RABGAP1L: variants seen among roughly 807,000 people sequenced by gnomAD.
RABGAP1L encodes rab GTPase-activating protein 1-like.
RABGAP1L carries 63 observed loss-of-function variants against 137.7 expected under a neutral mutation model. The ratio of observed to expected loss-of-function variants is 0.46; its 90% CI spans 0.37 to 0.56. The LOEUF (loss-of-function observed/expected upper bound fraction) is 0.56, where lower values mean the gene tolerates loss of function less well. RABGAP1L is among the 20% of genes least tolerant of loss of function. RABGAP1L has a pLI of 0.00. For synonymous variants in RABGAP1L, 431 were observed against 433.7 expected, an observed-to-expected ratio of 0.99 and a Z score of 0.08; for missense variants, 1,095 against 1,244.0, an observed-to-expected ratio of 0.88 and a Z score of 1.80.
intron 1 of RABGAP1L, among the ~76,000 whole-genome samples, chr1:174,213,305 G>T (rs1669042969): frequency 6.6e-6 from 1 of 152,042 alleles, no homozygotes; most frequent in African/African-American, 2.4e-5. Context: ...CATGCCTGTA[G>T]TCCTAGCTAC....
intron 18 of RABGAP1L, among the ~76,000 whole-genome samples, chr1:174,771,551 T>A (rs1447467911): frequency 6.6e-6 from 1 of 152,328 alleles, no homozygotes; most frequent in East Asian, 1.9e-4. Flanking sequence ...TCAAGATGAA[T>A]ACCACCAAAA....
chr1:174,711,436 T>C (rs1439628251), intron 17 of RABGAP1L, among the ~76,000 whole-genome samples: 3 of 151,826 alleles, frequency 2.0e-5, no homozygotes, highest in Non-Finnish European at 4.4e-5. Context: ...GCACAGTGCT[T>C]GCGGGCCAGA....
At chr1:174,924,109 C>T (rs1409795584) in intron 19 of RABGAP1L, among the ~76,000 whole-genome samples, 1 of 152,048 alleles carries the variant, frequency 6.6e-6, no homozygotes. Context: ...AAAGTACTGA[C>T]TGGGCACAGT....
intron 19 of RABGAP1L, among the ~76,000 whole-genome samples, chr1:174,886,009 C>T (rs1655047935): frequency 1.5e-5 from 2 of 134,222 alleles, no homozygotes; most frequent in African/African-American, 6.6e-5. Flanking sequence ...ATTAGAGAAA[C>T]CAATTTTTTT....
chr1:174,948,322 A>G (rs1292384838), intron 19 of RABGAP1L, among the ~76,000 whole-genome samples: 1 of 151,898 alleles, frequency 6.6e-6, no homozygotes, highest in African/African-American at 2.4e-5. Flanking sequence ...GGGTTTCAAG[A>G]CCAGCCTGGT....
intron 19 of RABGAP1L, among the ~76,000 whole-genome samples, chr1:174,912,159 A>G (rs925858237): frequency 6.6e-6 from 1 of 151,072 alleles, no homozygotes; most frequent in African/African-American, 2.5e-5. Context: ...TTATTTTTGG[A>G]CACAGGGTCT....
intron 13 of RABGAP1L, among the ~76,000 whole-genome samples, chr1:174,457,783 G>A (rs973342487): frequency 6.6e-6 from 1 of 152,154 alleles, no homozygotes; most frequent in East Asian, 1.9e-4. Flanking sequence ...CTACAGGTGT[G>A]AGCCACCATG....
intron 11 of RABGAP1L, among the ~76,000 whole-genome samples, chr1:174,330,864 G>A (rs751160974): frequency 6.6e-6 from 1 of 151,978 alleles, no homozygotes; most frequent in Non-Finnish European, 1.5e-5. Flanking sequence ...AGCCACAAAA[G>A]ACCCTAAATA....
chr1:174,340,557 G>A (rs139044386), intron 11 of RABGAP1L, among the ~76,000 whole-genome samples: 1,531 of 152,280 alleles, frequency 0.01, 14 homozygotes, highest in Non-Finnish European at 0.015. Flanking sequence ...CTTTGCTGAG[G>A]ATAATGGCTT....
chr1:174,502,565 G>GAAAGT (rs1661382167), intron 13 of RABGAP1L, among the ~76,000 whole-genome samples: 1 of 118,992 alleles, frequency 8.4e-6, no homozygotes. Context: ...TAATGCAGAA[G>GAAAGT]AAAGTACACG....
chr1:174,740,532 C>T (rs2148649084), intron 17 of RABGAP1L, among the ~76,000 whole-genome samples: 1 of 152,236 alleles, frequency 6.6e-6, no homozygotes, highest in African/African-American at 2.4e-5. Flanking sequence ...TGTTTTAAAG[C>T]CTCCTAACTG....
chr1:174,502,729 CATAT>C (rs576471588), intron 13 of RABGAP1L, among the ~76,000 whole-genome samples: 1 of 150,014 alleles, frequency 6.7e-6, no homozygotes, highest in African/African-American at 2.5e-5. Flanking sequence ...CACACACACA[CATAT>C]ATATATTTAT....
chr1:174,777,024 A>C (rs1306384870), intron 18 of RABGAP1L, among the ~76,000 whole-genome samples: 2 of 152,214 alleles, frequency 1.3e-5, no homozygotes, highest in Non-Finnish European at 2.9e-5. Flanking sequence ...ATATTGTGAC[A>C]TGACATAAAA....
intron 11 of RABGAP1L, among the ~76,000 whole-genome samples, chr1:174,327,596 A>G (rs1449043248): frequency 6.6e-6 from 1 of 152,108 alleles, no homozygotes; most frequent in African/African-American, 2.4e-5. Flanking sequence ...AAGGTTCTGC[A>G]AAACAAGCAG....
At chr1:174,245,400 TTTAA>T (rs1672170282) in intron 5 of RABGAP1L, 1 of 152,132 alleles carries the variant, frequency 6.6e-6, no homozygotes, top group Non-Finnish European at 1.5e-5. Flanking sequence ...CAAGTATTTA[TTTAA>T]TTGTTATGTT....
chr1:174,615,288 C>G (rs532801154), intron 13 of RABGAP1L, among the ~76,000 whole-genome samples: 1 of 152,284 alleles, frequency 6.6e-6, no homozygotes, highest in African/African-American at 2.4e-5. Context: ...AGTTTTCCTT[C>G]TAACAGACAG....
intron 19 of RABGAP1L, among the ~76,000 whole-genome samples, chr1:174,812,870 G>T (rs137933059): frequency 1.2e-4 from 18 of 152,248 alleles, no homozygotes; most frequent in Non-Finnish European, 1.3e-4. Context: ...AGATGTCCTG[G>T]GGAAAAGCTT....
intron 10 of RABGAP1L, among the ~76,000 whole-genome samples, chr1:174,286,933 A>G (rs2148705865): frequency 6.6e-6 from 1 of 152,056 alleles, no homozygotes; most frequent in Middle Eastern, 3.4e-3. Context: ...TGAATTTAAG[A>G]CTTTTTTTGT....
At chr1:174,486,503 C>T (rs1250652343) in intron 13 of RABGAP1L, among the ~76,000 whole-genome samples, 1 of 151,822 alleles carries the variant, frequency 6.6e-6, no homozygotes, top group African/African-American at 2.4e-5. Context: ...CCCGCCACCA[C>T]ACCCAGCTAA....
Sources: allele counts gnomAD v4.1 joint callset (sites outside exome capture counted in the v4.1 genomes callset), GRCh38; gene constraint gnomAD v4.1.1; transcripts MANE v1.5; gene names NCBI Gene and HGNC (gene_info 2026-07-23, HGNC 2026-07-21).